Variants in NR2C1 observed in about 807,000 individuals in gnomAD.
The protein encoded by NR2C1 is TR2 nuclear hormone receptor.
Under a neutral mutation model 74.8 loss-of-function variants are expected in NR2C1, and 33 were observed. The ratio of observed to expected loss-of-function variants is 0.44; its 90% CI spans 0.33 to 0.59. NR2C1 has a LOEUF of 0.59. NR2C1 is among the 20% of genes least tolerant of loss of function. NR2C1 has a pLI of 0.02. For missense variants in NR2C1, 568 were observed against 715.6 expected (o/e 0.79, Z 2.35); for synonymous variants, 225 against 240.6 (o/e 0.94, Z 0.60).
At chr12:95,050,498 G>A (rs1277546724) in intron 8 of NR2C1, among the ~76,000 whole-genome samples, 1 of 151,910 alleles carries the variant, frequency 6.6e-6, no homozygotes, top group East Asian at 1.9e-4. Context: ...TAGTAGAGAT[G>A]GGGTTTCACC....
At chr12:95,026,613 A>G (rs555362675) in intron 12 of NR2C1, among the ~76,000 whole-genome samples, 33 of 152,374 alleles carry the variant, frequency 2.2e-4, no homozygotes, top group African/African-American at 7.0e-4. Context: ...AATAAAGGTG[A>G]CAAATTGTGC....
chr12:95,058,834 G>A (rs1293538852), intron 4 of NR2C1, among the ~76,000 whole-genome samples: 1 of 151,620 alleles, frequency 6.6e-6, no homozygotes, highest in Non-Finnish European at 1.5e-5. Flanking sequence ...TTGCCATTTT[G>A]CCCAGGCTGG....
At chr12:95,055,952 CAAAAAA>C (rs3048563) in intron 7 of NR2C1, among the ~76,000 whole-genome samples, 1 of 56,502 alleles carries the variant, frequency 1.8e-5, no homozygotes, top group South Asian at 7.1e-4. Flanking sequence ...GACTCCGTCT[CAAAAAA>C]AAAAAAAAAA....
At chr12:95,064,831 A>AT (rs1197311511) in intron 2 of NR2C1, among the ~76,000 whole-genome samples, 3 of 152,096 alleles carry the variant, frequency 2.0e-5, no homozygotes, top group African/African-American at 7.2e-5. Context: ...TCTGTACCAA[A>AT]TTTTTTCTAT....
chr12:95,068,495 C>T (rs1876071600), intron 1 of NR2C1, among the ~76,000 whole-genome samples: 1 of 152,014 alleles, frequency 6.6e-6, no homozygotes, highest in African/African-American at 2.4e-5. Flanking sequence ...TGCCTAAAGA[C>T]AAGAAAATCT....
chr12:95,032,669 AG>A (rs1396750500), intron 10 of NR2C1, among the ~76,000 whole-genome samples: 4 of 152,026 alleles, frequency 2.6e-5, no homozygotes, highest in Admixed American at 2.6e-4. Context: ...AAGAGGTGAA[AG>A]GTAAGAATTA....
At chr12:95,048,939 G>T in intron 9 of NR2C1, 129 bp downstream of exon 9, 1 of 872,636 alleles carries the variant, frequency 1.1e-6, no homozygotes, top group Non-Finnish European at 1.8e-6. Context: ...GAGTGTTTTA[G>T]CTGCTGTTCT....
intron 1 of NR2C1, 150 bp downstream of exon 1, chr12:95,073,230 G>A (rs752090115): frequency 2.0e-5 from 3 of 152,322 alleles, no homozygotes; most frequent in Non-Finnish European, 4.4e-5. Flanking sequence ...GCAGCCCCAA[G>A]CGGCGCTCCC....
At chr12:95,051,998 T>C (rs922890718) in intron 7 of NR2C1, 55 bp from the exon 8 acceptor site, 40 of 1,171,858 alleles carry the variant, frequency 3.4e-5, no homozygotes, top group Non-Finnish European at 4.7e-5. Context: ...TTTTTTTCAA[T>C]CTGAAATATC....
intron 11 of NR2C1, 97 bp from the exon 12 acceptor site, chr12:95,028,621 T>C: frequency 1.1e-6 from 1 of 931,668 alleles, no homozygotes; most frequent in Non-Finnish European, 1.6e-6. Flanking sequence ...TGAAAAATTT[T>C]TTAATTCTTA....
chr12:95,023,818 A>G (rs1869033305), intron 13 of NR2C1, among the ~76,000 whole-genome samples: 1 of 152,234 alleles, frequency 6.6e-6, no homozygotes, highest in Admixed American at 6.5e-5. Context: ...AAAAAAATTT[A>G]AATACTGTAT....
chr12:95,065,614 A>G (rs1455197983), intron 2 of NR2C1, among the ~76,000 whole-genome samples: 1 of 152,130 alleles, frequency 6.6e-6, no homozygotes, highest in African/African-American at 2.4e-5. Context: ...TGTATGCTAT[A>G]AACAATCCAA....
intron 13 of NR2C1, 101 bp from the exon 14 acceptor site, chr12:95,022,504 A>C: frequency 1.1e-6 from 1 of 952,264 alleles, no homozygotes; most frequent in South Asian, 1.4e-5. Context: ...TAATTTAATA[A>C]AGATAGCATT....
intron 3 of NR2C1, among the ~76,000 whole-genome samples, chr12:95,061,709 ATAGAACCCAATTTTAAG>A (rs1244874234): frequency 6.6e-6 from 1 of 152,224 alleles, no homozygotes; most frequent in Admixed American, 6.5e-5. Flanking sequence ...ATCATAAAAG[ATAGAACCCAATTTTAAG>A]TAGACCCCCT....
At chr12:95,038,253 C>T (rs1015122474) in intron 10 of NR2C1, among the ~76,000 whole-genome samples, 1 of 152,134 alleles carries the variant, frequency 6.6e-6, no homozygotes, top group East Asian at 1.9e-4. Context: ...GCGTTATTTC[C>T]ATAGGATAAT....
chr12:95,057,620 C>A lies in NR2C1; in HGVS notation c.716G>T (p.Gly239Val). ...AGATGGATGAATATTCATGAACATTCCTGAATCTAACAGTCCTGTTGACCT... is the reference window on the plus strand; with the variant it reads ...AGATGGATGAATATTCATGAACATTACTGAATCTAACAGTCCTGTTGACCT... ...STRSTGLLDSGMFMNIHPSGV... is the reference protein window; with the variant it reads ...STRSTGLLDSVMFMNIHPSGV... The change falls in exon 7 of 14, where the codon GGA (glycine) becomes GTA (valine). Residue 239 changes from glycine (G) to valine (V), a missense_variant. Gly to Val is a moderately radical substitution (Grantham distance 109). This residue lies in a region of NR2C1 where 239 missense variants were observed against 232.3 expected (regional missense o/e 1.03). Coordinates refer to ENST00000333003, the MANE Select transcript of NR2C1 (RefSeq NM_003297.4). The A allele has an allele frequency of 1.9e-6, 3 of 1,614,050 alleles. No individual in the cohort carries two copies. The highest frequency in any genetic ancestry group is 2.5e-6 in the Non-Finnish European group (3 of 1,179,984).
At chr12:95,045,752 T>G (rs1255605601) in intron 9 of NR2C1, among the ~76,000 whole-genome samples, 7 of 152,240 alleles carry the variant, frequency 4.6e-5, no homozygotes, top group Admixed American at 4.6e-4. Flanking sequence ...ATCTACCATA[T>G]TCTTAAAATC....
intron 8 of NR2C1, chr12:95,049,517 G>A (rs1872706996): frequency 4.6e-6 from 1 of 217,312 alleles, no homozygotes; most frequent in Admixed American, 5.4e-5. Flanking sequence ...TTTATCGCTT[G>A]AGTCCAGGAG....
chr12:95,065,741 G>A (rs1875585871), intron 2 of NR2C1, among the ~76,000 whole-genome samples: 1 of 151,900 alleles, frequency 6.6e-6, no homozygotes, highest in Admixed American at 6.6e-5. Flanking sequence ...CATGAGGTCA[G>A]GAGTTTGAGA....
Sources: allele counts gnomAD v4.1 joint callset (sites outside exome capture counted in the v4.1 genomes callset), GRCh38; gene constraint gnomAD v4.1.1; regional missense constraint gnomAD v4.1.1; transcripts MANE v1.5; gene names NCBI Gene and HGNC (gene_info 2026-07-23, HGNC 2026-07-21).